The following HHATL variants were observed in gnomAD, a reference collection of about 807,000 sequenced individuals.
The protein encoded by HHATL is protein-cysteine N-palmitoyltransferase HHAT-like protein.
HHATL carries 49 observed loss-of-function variants against 59.7 expected under a neutral mutation model. The observed-to-expected ratio is 0.82, with a 90% confidence interval of 0.65 to 1.04. The LOEUF (loss-of-function observed/expected upper bound fraction) is 1.04. Among genes scored for constraint, HHATL ranks in the 50% least tolerant of loss-of-function variants. HHATL has a pLI of 0.00. For missense variants in HHATL, 605 were observed against 650.8 expected (o/e 0.93, Z 0.77); for synonymous variants, 238 against 257.3 (o/e 0.93, Z 0.72).
At position 42,698,306 on chromosome 3, in the gene HHATL, G is replaced by T. The variant is rs1697742447; in HGVS notation, c.529C>A (p.His177Asn). The T allele has an allele frequency of 6.2e-7, 1 of 1,613,858 alleles. No individual in the cohort carries two copies. The highest frequency in any genetic ancestry group is 8.5e-7 in the Non-Finnish European group (1 of 1,179,864). Residue 177 changes from histidine (H) to asparagine (N), a missense_variant, in exon 6 of 12, where the codon CAT (histidine) becomes AAT (asparagine). His to Asn is a moderately conservative substitution (Grantham distance 68, BLOSUM62 1). Coordinates refer to ENST00000441594, the MANE Select transcript of HHATL (RefSeq NM_020707.4). The stretch of plus-strand genomic sequence containing the variant: ...AGCACTGTGAAGCTGCTGCCCCCAT[G>T]AAACAGCACCTCTTGAAGATCAAAA... The part of the protein sequence containing the change: ...GTFDLQEVLF[H>N]GGSSFTVLRC...
chr3:42,697,282 A>T (rs1023055940), intron 7 of HHATL, 137 bp from the exon 8 acceptor site: 158 of 1,217,928 alleles, frequency 1.3e-4, no homozygotes, highest in Non-Finnish European at 1.7e-4. Flanking sequence ...TGTGGAAATC[A>T]GTCATGCCTG....
chr3:42,698,115 C>T (rs1211800800), intron 6 of HHATL, 27 bp downstream of exon 6: 1 of 1,603,990 alleles, frequency 6.2e-7, no homozygotes, highest in Non-Finnish European at 8.5e-7. Context: ...CAGCCCTGTT[C>T]TAGAAGCCCA....
In HHATL at chr3:42,697,501, G is replaced by C; in HGVS notation, c.865+7C>G. On this transcript the variant is annotated splice_region_variant and intron_variant, in intron 7 of 11. Coordinates refer to ENST00000441594, the MANE Select transcript of HHATL (RefSeq NM_020707.4). ...GCCCTGCCCCCATTTCTCTTCTGTGGACCCACCGAGGGCACTGTCTGGGAG... is the reference window on the plus strand; with the variant it reads ...GCCCTGCCCCCATTTCTCTTCTGTGCACCCACCGAGGGCACTGTCTGGGAG... The C allele has an allele frequency of 1.2e-6, 2 of 1,612,748 alleles. No homozygotes were observed. Among genetic ancestry groups the C allele is most frequent in the Non-Finnish European group, 1.7e-6 (2 of 1,179,146 alleles).
Position 42,699,145 on chromosome 3 carries a change from CCTGGGGCAGTCCGGGGCA to C in HHATL, c.175-18_175-1del, listed in dbSNP as rs1375385903. 4.3e-6 allele frequency: 7 copies of C among 1,612,956 alleles called. No individual in the cohort carries two copies. The highest frequency in any genetic ancestry group is 5.9e-6 in the Non-Finnish European group (7 of 1,179,090). On this transcript the variant is annotated splice_acceptor_variant and splice_polypyrimidine_tract_variant and intron_variant, in intron 3 of 11. Coordinates refer to ENST00000441594, the MANE Select transcript of HHATL (RefSeq NM_020707.4). LOFTEE classifies it high-confidence loss of function. ...ATCACCCACTCGAAGTCAGCCACAT[CCTGGGGCAGTCCGGGGCA>C]GAAGGAGGTGGGGCAGGTGAGGGTG...
At chr3:42,697,487 A>G (rs774937652) in intron 7 of HHATL, 21 bp downstream of exon 7, 1 of 1,606,866 alleles carries the variant, frequency 6.2e-7, no homozygotes, top group Admixed American at 1.7e-5. Flanking sequence ...CCCTGCCCCC[A>G]TTTCTCTTCT....
rs757458637 is a variant in HHATL at position 42,693,129 on chromosome 3, G to A, written c.1338C>T (p.Ser446=). The A allele has an allele frequency of 6.2e-7, 1 of 1,614,148 alleles. No homozygotes were observed. The highest frequency in any genetic ancestry group is 8.5e-7 in the Non-Finnish European group (1 of 1,180,020). Residue 446 remains serine, a synonymous_variant, in exon 11 of 12, where the codon AGC becomes AGT. Coordinates refer to ENST00000441594, the MANE Select transcript of HHATL (RefSeq NM_020707.4). ...GCTCTGTGAATTTGAGGCTGTTCAG[G>A]CTCACAAGGTTGTACATGATGATGG... The part of the protein sequence containing the change: ...FWAIIMYNLV[S]LNSLKFTELV...
At chr3:42,698,622 G>A in intron 5 of HHATL, 86 bp downstream of exon 5, 2 of 1,427,362 alleles carry the variant, frequency 1.4e-6, no homozygotes, top group Non-Finnish European at 1.9e-6. Context: ...GGAATACTTG[G>A]GGATACTTGG....
In HHATL at chr3:42,696,897, G is replaced by A; in HGVS notation, c.1011-20C>T. 1 of 1,614,140 alleles carries A rather than the reference G, an allele frequency of 6.2e-7. No homozygotes were observed. Among genetic ancestry groups the A allele is most frequent in the Non-Finnish European group, 8.5e-7 (1 of 1,180,018 alleles). ...AAGTGCCTGTAAGAGGAAAGCAGAT[G>A]GGCATGTTGCCATCAGGCGCAGAGC... On this transcript the variant is annotated intron_variant, in intron 8 of 11. Transcript: ENST00000441594.
chr3:42,692,838 G>C lies in HHATL; in HGVS notation c.1428C>G (p.Thr476=). ...PQTTLSILFV[T]YCGVQLVKER... ...CCTTTACCAGCTGGACGCCACAGTA[G>C]GTGACAAACAGGATGGACAGCGTGG... The change falls in exon 12 of 12, where the codon ACC becomes ACG. Residue 476 remains threonine (T), a synonymous_variant. Transcript: ENST00000441594. The C allele has an allele frequency of 6.2e-7, 1 of 1,614,224 alleles. No homozygotes were observed. The highest frequency in any genetic ancestry group is 1.1e-5 in the South Asian group (1 of 91,084).
chr3:42,692,896 A>T (rs1301513604), intron 11 of HHATL, 21 bp from the exon 12 acceptor site: 1 of 1,611,818 alleles, frequency 6.2e-7, no homozygotes, highest in Non-Finnish European at 8.5e-7. Flanking sequence ...AGGGAGTCAT[A>T]GATGCTCAGG....
In HHATL at chr3:42,699,748, G is replaced by A. The variant is rs893925962; in HGVS notation, c.174+10C>T. On this transcript the variant is annotated intron_variant, in intron 3 of 11. Transcript: ENST00000441594. ...GGGATGGGAGGGACCCTGGGATGTG[G>A]GGGACCTACCATCTTCCGGCCAATG... 6.3e-6 allele frequency: 10 copies of A among 1,575,390 alleles called. No homozygotes were observed. Among genetic ancestry groups the A allele is most frequent in the Non-Finnish European group, 8.6e-6 (10 of 1,159,458 alleles).
chr3:42,699,783 CCAGGTCGCA>C lies in HHATL; in HGVS notation c.140_148del (p.Val47_Pro49del). 4 of 1,579,768 alleles carry C rather than the reference CCAGGTCGCA, an allele frequency of 2.5e-6. No individual in the cohort carries two copies. Among genetic ancestry groups the C allele is most frequent in the Non-Finnish European group, 3.4e-6 (4 of 1,162,072 alleles). On this transcript the variant is annotated inframe_deletion, in exon 3 of 12. Transcript: ENST00000441594. ...CATCTTCCGGCCAATGTACTCCCAG[CCAGGTCGCA>C]CAGACTCCCGGAAGGCCTTCCTGTG... is the stretch of plus-strand genomic sequence containing the variant.
Position 42,701,849 on chromosome 3 carries a change from G to C in HHATL, c.-14+730C>G, listed in dbSNP as rs1253033919. ...CAGGGAACATGTCCAGGCAACTCTTGGGCTGACGGGGCCAAGAGGTGGCTG... is the reference window on the plus strand; with the variant it reads ...CAGGGAACATGTCCAGGCAACTCTTCGGCTGACGGGGCCAAGAGGTGGCTG... On this transcript the variant is annotated intron_variant, in intron 1 of 11. Coordinates refer to ENST00000441594, the MANE Select transcript of HHATL (RefSeq NM_020707.4). The surrounding 1 kb of genome is among the most constrained non-coding windows in gnomAD (Gnocchi z 5.1). Among the ~76,000 whole-genome samples, 6 of 152,204 alleles carry C rather than the reference G, an allele frequency of 3.9e-5. No homozygotes were observed. The highest frequency in any genetic ancestry group is 7.3e-5 in the Non-Finnish European group (5 of 68,036).
At position 42,693,091 on chromosome 3, in the gene HHATL, C is replaced by A. The variant is rs764961715; in HGVS notation, c.1376G>T (p.Arg459Leu). The part of the protein sequence containing the change: ...SLKFTELVAR[R>L]LLLTGFPQTT... ...CTGTCCCTCACCTGTGAGTAGCAGG[C>A]GCCGGGCAACCAGCTCTGTGAATTT... Residue 459 changes from arginine (R) to leucine (L), a missense_variant, in exon 11 of 12, where the codon CGC becomes CTC. Physicochemically the swap from Arg to Leu is moderately radical, Grantham distance 102. Transcript: ENST00000441594. The A allele has an allele frequency of 5.6e-6, 9 of 1,614,046 alleles. No individual in the cohort carries two copies. In the South Asian group the frequency reaches 9.9e-5, roughly 18 times the overall value.
At position 42,692,871 on chromosome 3, in the gene HHATL, G is replaced by A. The variant is rs17852071; in HGVS notation, c.1395C>T (p.Phe465=). The change falls in exon 12 of 12, where the codon TTC becomes TTT. Residue 465 remains phenylalanine, a synonymous_variant. Transcript: ENST00000441594. ...ACAGGATGGACAGCGTGGTCTGGGG[G>A]AACCCTGTGTGGGGAGGGAGTCATA... ...LVARRLLLTG[F]PQTTLSILFV... is the part of the protein sequence containing the mutation. 1 of 1,614,040 alleles carries A rather than the reference G, an allele frequency of 6.2e-7. No individual in the cohort carries two copies. Among genetic ancestry groups the A allele is most frequent in the Non-Finnish European group, 8.5e-7 (1 of 1,180,002 alleles).
At chr3:42,698,926 G>A in intron 4 of HHATL, 24 bp from the exon 5 acceptor site, 1 of 1,604,458 alleles carries the variant, frequency 6.2e-7, no homozygotes, top group South Asian at 1.1e-5. Context: ...GAAGGCTTCA[G>A]TTTCGCCATA....
At chr3:42,692,918 A>G (rs1370176801) in intron 11 of HHATL, 43 bp from the exon 12 acceptor site, 1 of 1,597,892 alleles carries the variant, frequency 6.3e-7, no homozygotes, top group African/African-American at 1.3e-5. Context: ...GCAGCACTGC[A>G]TCCTCAGCGA....
chr3:42,700,306 TGGG>T (rs995059917), intron 2 of HHATL, among the ~76,000 whole-genome samples: 1 of 93,884 alleles, frequency 1.1e-5, no homozygotes, highest in Admixed American at 1.1e-4. Flanking sequence ...GTGTGTGTGT[TGGG>T]GGGTGTGTGT....
At chr3:42,698,954 C>T in intron 4 of HHATL, 52 bp from the exon 5 acceptor site, 1 of 1,608,880 alleles carries the variant, frequency 6.2e-7, no homozygotes, top group Non-Finnish European at 8.5e-7. Flanking sequence ...GGGCGTGACC[C>T]CAGGAGGGGG....
Sources: gnomAD v4.1 joint callset for allele counts (sites outside exome capture counted in the v4.1 genomes callset) on GRCh38, gnomAD v4.1.1 for gene constraint, Gnocchi (gnomAD v3.1) non-coding constraint, MANE v1.5 for transcripts, NCBI Gene and HGNC (gene_info 2026-07-23, HGNC 2026-07-21) for gene names.